PCDHGA6: variants seen among roughly 807,000 people sequenced by gnomAD.
The protein encoded by PCDHGA6 is protocadherin gamma subfamily A, 6.
PCDHGA6 carries 41 observed loss-of-function variants against 60.6 expected under a neutral mutation model. That is an observed-to-expected ratio of 0.68 (90% CI 0.53 to 0.88). PCDHGA6 has a LOEUF of 0.88. Among genes scored for constraint, PCDHGA6 ranks in the 40% least tolerant of loss-of-function variants. The probability of loss-of-function intolerance (pLI) is 0.00; values close to 1 mark genes in which losing one functional copy is unlikely to be tolerated. For missense variants in PCDHGA6, 1,312 were observed against 1,203.0 expected (o/e 1.09, Z -1.34); for synonymous variants, 594 against 524.4 (o/e 1.13, Z -1.81).
In PCDHGA6 at chr5:141,414,961, G is replaced by A. The variant is rs1357376957; in HGVS notation, c.2424+38454G>A. Reference sequence around the variant, plus strand: ...GCCCGGCTACCTGGTGACCAAGGTGGTGGCGGTGGACAGAGACTCCGGCCA... The same window carrying A: ...GCCCGGCTACCTGGTGACCAAGGTGATGGCGGTGGACAGAGACTCCGGCCA... On this transcript the variant is annotated intron_variant, in intron 1 of 3. Transcript: ENST00000517434. 2.5e-6 allele frequency: 4 copies of A among 1,614,028 alleles called. No individual in the cohort carries two copies. In the Admixed American group the frequency reaches 6.7e-5, roughly 27 times the overall value.
intron 1 of PCDHGA6, among the ~76,000 whole-genome samples, chr5:141,451,644 G>A (rs1730833205): frequency 6.6e-6 from 1 of 152,178 alleles, no homozygotes; most frequent in Non-Finnish European, 1.5e-5. Context: ...CACTCTGAGA[G>A]GCCAAGGAGG....
intron 1 of PCDHGA6, chr5:141,390,232 C>A: frequency 6.2e-7 from 1 of 1,614,020 alleles, no homozygotes. Context: ...GGTGATTCAT[C>A]TGGGGCCTTA....
Position 141,491,529 on chromosome 5 carries a change from G to T in PCDHGA6, c.2425-3278G>T, listed in dbSNP as rs1157770121. ...GCACGCTCAAGTACATGGAGGTGAC[G>T]CTGCGGCCCACAGACTCGCAGAGCC... On this transcript the variant is annotated intron_variant, in intron 1 of 3. Transcript: ENST00000517434. This position sits in a 1 kb window ranked among gnomAD's most constrained non-coding sequence, Gnocchi z 6.9. The T allele has an allele frequency of 6.2e-7, 1 of 1,614,040 alleles. No individual in the cohort carries two copies. The highest frequency in any genetic ancestry group is 1.1e-5 in the South Asian group (1 of 91,080).
chr5:141,393,350 C>T (rs775303289), intron 1 of PCDHGA6: 25 of 1,613,840 alleles, frequency 1.5e-5, no homozygotes, highest in Non-Finnish European at 1.9e-5. Flanking sequence ...ACCACTTCTC[C>T]CTGGACGTGC....
intron 1 of PCDHGA6, chr5:141,409,000 C>T (rs779251035): frequency 6.2e-7 from 1 of 1,613,950 alleles, no homozygotes; most frequent in South Asian, 1.1e-5. Context: ...AAGTGACAGC[C>T]ACTGACCAGG....
intron 1 of PCDHGA6, chr5:141,387,998 C>T: frequency 6.7e-7 from 1 of 1,485,204 alleles, no homozygotes; most frequent in South Asian, 1.3e-5. Flanking sequence ...ACAGGATTCC[C>T]GAGGAAATGC....
chr5:141,415,380 C>G (rs759710024), intron 1 of PCDHGA6: 1 of 1,614,250 alleles, frequency 6.2e-7, no homozygotes, highest in South Asian at 1.1e-5. Flanking sequence ...CAGGAGGCGG[C>G]TTGACAGGTG....
chr5:141,421,513 C>G lies in PCDHGA6; in HGVS notation c.2424+45006C>G, dbSNP rs368199651. ...GGCAGGCAGGATAGACCGGGAGGAG[C>G]TCTGTGAGACGGTGTCCTCCTGTTT... On this transcript the variant is annotated intron_variant, in intron 1 of 3. Coordinates refer to ENST00000517434, the MANE Select transcript of PCDHGA6 (RefSeq NM_018919.3). 61 of 1,614,078 alleles carry G rather than the reference C, an allele frequency of 3.8e-5. No individual in the cohort carries two copies. The African/African-American group carries it at 7.5e-4, about 20-fold the overall frequency.
chr5:141,416,650 A>G (rs935670434), intron 1 of PCDHGA6: 2 of 152,238 alleles, frequency 1.3e-5, no homozygotes, highest in Admixed American at 6.5e-5. Context: ...CCACAGCTGT[A>G]AAAAAGAAAA....
chr5:141,439,333 G>A (rs964224344), intron 1 of PCDHGA6, among the ~76,000 whole-genome samples: 1 of 152,154 alleles, frequency 6.6e-6, no homozygotes, highest in Non-Finnish European at 1.5e-5. Flanking sequence ...TGGAAAGAAA[G>A]ATTCTAAGCC....
rs1190445239 is a variant in PCDHGA6 at position 141,431,331 on chromosome 5, A to T, written c.2424+54824A>T. 1 of 1,614,062 alleles carries T rather than the reference A, an allele frequency of 6.2e-7. No individual in the cohort carries two copies. The highest frequency in any genetic ancestry group is 1.7e-5 in the Admixed American group (1 of 60,026). On this transcript the variant is annotated intron_variant, in intron 1 of 3. Coordinates refer to ENST00000517434, the MANE Select transcript of PCDHGA6 (RefSeq NM_018919.3). The surrounding 1 kb of genome is among the most constrained non-coding windows in gnomAD (Gnocchi z 4.8). ...CAAAATGGAGCCGACGGTAGTAAGT[A>T]CCCCGAATTGGTGCTGAAACGCGCC...
intron 2 of PCDHGA6, among the ~76,000 whole-genome samples, chr5:141,503,275 C>T (rs1466636672): frequency 1.3e-5 from 2 of 152,108 alleles, no homozygotes; most frequent in Non-Finnish European, 2.9e-5. Context: ...GCACCTGGCT[C>T]TGTGTCTGGT....
At chr5:141,458,694 C>G (rs905547768) in intron 1 of PCDHGA6, among the ~76,000 whole-genome samples, 1 of 152,136 alleles carries the variant, frequency 6.6e-6, no homozygotes, top group East Asian at 1.9e-4. Context: ...CTCAGCCTCC[C>G]GAGTAGCTGG....
In PCDHGA6 at chr5:141,379,889, C is replaced by CTTTTTTTTT. The variant is rs70988800; in HGVS notation, c.2424+3404_2424+3412dup. ...CTTATTTTATGGTCTGTGAAAGCCT[C>CTTTTTTTTT]TTTTTTTTTTTTTTTTTTTTTTTTT... is the stretch of plus-strand genomic sequence containing the variant. On this transcript the variant is annotated intron_variant, in intron 1 of 3. Transcript: ENST00000517434. Among the ~76,000 whole-genome samples the CTTTTTTTTT allele has an allele frequency of 5.8e-3, 297 of 50,818 alleles. 50 individuals are homozygous for CTTTTTTTTT. Among genetic ancestry groups the CTTTTTTTTT allele is most frequent in the African/African-American group, 9.2e-3 (138 of 15,074 alleles). The allele number at this position is 50,818 out of a possible 152,430, so 33.3% of individuals were successfully genotyped here.
At chr5:141,383,201 G>C in intron 1 of PCDHGA6, 3 of 1,614,000 alleles carry the variant, frequency 1.9e-6, no homozygotes, top group Non-Finnish European at 2.5e-6. Flanking sequence ...CAGAGTGCGC[G>C]GTGTCTGGTA....
At chr5:141,427,304 C>G in intron 1 of PCDHGA6, 1 of 456,910 alleles carries the variant, frequency 2.2e-6, no homozygotes. Flanking sequence ...ATGAGAATGA[C>G]AATGCCCCAG....
Position 141,491,650 on chromosome 5 carries a change from G to C in PCDHGA6, c.2425-3157G>C, listed in dbSNP as rs1283977913. On this transcript the variant is annotated intron_variant, in intron 1 of 3. Coordinates refer to ENST00000517434, the MANE Select transcript of PCDHGA6 (RefSeq NM_018919.3). The surrounding 1 kb of genome is among the most constrained non-coding windows in gnomAD (Gnocchi z 6.9). ...TCAGCAGCCCACAGCTCTGGCGCTG[G>C]AGCCTGACGCCATCCGGTCCCGCTC... The C allele has an allele frequency of 6.2e-7, 1 of 1,613,876 alleles. No individual in the cohort carries two copies. The highest frequency in any genetic ancestry group is 1.7e-5 in the Admixed American group (1 of 60,034).
intron 1 of PCDHGA6, chr5:141,418,140 A>C (rs1487263767): frequency 6.2e-7 from 1 of 1,613,986 alleles, no homozygotes; most frequent in African/African-American, 1.3e-5. Context: ...GACCGTGAGC[A>C]AATATGCAAA....
rs1343594345 is a variant in PCDHGA6, at chr5:141,374,326, C to T, written c.243C>T (p.Asn81=). Residue 81 remains asparagine, a synonymous_variant, in exon 1 of 4, where the codon AAC becomes AAT. Transcript: ENST00000517434. ...RMQLFSLNPR[N]GSLVTAGRID... is the part of the protein sequence containing the mutation. ...AGCTTTTCTCTCTGAATCCGCGAAA[C>T]GGCAGCTTGGTCACCGCGGGTAGGA... 3.7e-6 allele frequency: 6 copies of T among 1,613,980 alleles called. No individual in the cohort carries two copies. The highest frequency in any genetic ancestry group is 4.5e-5 in the East Asian group (2 of 44,868).
Sources: gnomAD v4.1 joint callset for allele counts (sites outside exome capture counted in the v4.1 genomes callset) on GRCh38, gnomAD v4.1.1 for gene constraint, Gnocchi (gnomAD v3.1) non-coding constraint, MANE v1.5 for transcripts, NCBI Gene and HGNC (gene_info 2026-07-23, HGNC 2026-07-21) for gene names.